STAB2: variants seen among roughly 807,000 people sequenced by gnomAD.
STAB2 encodes stabilin 2.
STAB2 carries 288 observed loss-of-function variants against 338.1 expected under a neutral mutation model. That is an observed-to-expected ratio of 0.85 (90% CI 0.77 to 0.94). The LOEUF (loss-of-function observed/expected upper bound fraction) is 0.94. Among genes scored for constraint, STAB2 ranks in the 40% least tolerant of loss-of-function variants. The pLI, the probability that STAB2 is intolerant of heterozygous loss-of-function variation, is 0.00. For missense variants in STAB2, 3,141 were observed against 3,210.1 expected (o/e 0.98, Z 0.52); for synonymous variants, 1,202 against 1,193.3 (o/e 1.01, Z -0.15).
intron 15 of STAB2, among the ~76,000 whole-genome samples, chr12:103,657,253 G>A (rs1429773265): frequency 7.0e-6 from 1 of 142,844 alleles, no homozygotes; most frequent in African/African-American, 2.6e-5. Context: ...AAAAGGTAAT[G>A]TTGTTCCCCT....
intron 60 of STAB2, among the ~76,000 whole-genome samples, chr12:103,751,060 G>A (rs952421864): frequency 6.6e-6 from 1 of 152,230 alleles, no homozygotes; most frequent in Non-Finnish European, 1.5e-5. Context: ...ACCCAACGGA[G>A]GAAGCCAGAA....
chr12:103,728,808 A>G (rs755209458), intron 47 of STAB2, 41 bp from the exon 48 acceptor site: 47 of 1,609,494 alleles, frequency 2.9e-5, no homozygotes, highest in Non-Finnish European at 4.0e-5. Context: ...GCAGCAAAAG[A>G]CTCCTGCCTC....
intron 66 of STAB2, 135 bp from the exon 67 acceptor site, chr12:103,762,139 A>G: frequency 2.4e-6 from 3 of 1,234,172 alleles, no homozygotes; most frequent in Non-Finnish European, 3.4e-6. Flanking sequence ...CCTGGCAGTA[A>G]TAAGGGCCAG....
chr12:103,708,659 T>C, intron 39 of STAB2, 123 bp downstream of exon 39: 1 of 887,314 alleles, frequency 1.1e-6, no homozygotes, highest in Non-Finnish European at 1.7e-6. Flanking sequence ...ACATGATTCT[T>C]TCTTGCAGCA....
intron 64 of STAB2, 85 bp from the exon 65 acceptor site, chr12:103,759,048 A>G (rs762184326): frequency 2.1e-5 from 34 of 1,608,392 alleles, no homozygotes; most frequent in Non-Finnish European, 2.9e-5. Context: ...CATGAGAAGC[A>G]ATTTTCTTCG....
At position 103,699,214 on chromosome 12, in the gene STAB2, T is replaced by G; in HGVS notation, c.3701T>G (p.Leu1234Arg). 1 of 1,612,536 alleles carries G rather than the reference T, an allele frequency of 6.2e-7. No individual in the cohort carries two copies. The highest frequency in any genetic ancestry group is 8.5e-7 in the Non-Finnish European group (1 of 1,178,832). The change falls in exon 34 of 69, where the codon CTC becomes CGC. Residue 1234 changes from leucine to arginine, a missense_variant. Coordinates refer to ENST00000388887, the MANE Select transcript of STAB2 (RefSeq NM_017564.10). ...TTCTCCTATTTCCTTAGCTTCTTTCTCCATAATGACCAGGTACGATCCTTT... is the reference window on the plus strand; with the variant it reads ...TTCTCCTATTTCCTTAGCTTCTTTCGCCATAATGACCAGGTACGATCCTTT... ...LGFSYFLSFF[L>R]HNDQLYVNEA...
chr12:103,737,174 C>G (rs1882197205), intron 52 of STAB2, among the ~76,000 whole-genome samples: 1 of 152,152 alleles, frequency 6.6e-6, no homozygotes, highest in Admixed American at 6.5e-5. Flanking sequence ...CAAGGTCATC[C>G]TTGCTCCAAC....
intron 30 of STAB2, 38 bp from the exon 31 acceptor site, chr12:103,692,774 A>C: frequency 6.4e-7 from 1 of 1,562,526 alleles, no homozygotes; most frequent in Non-Finnish European, 8.8e-7. Flanking sequence ...GGTGCGCTCT[A>C]TAAAGACTCA....
chr12:103,727,301 C>T lies in STAB2; in HGVS notation c.4886C>T (p.Pro1629Leu). 1 of 1,614,258 alleles carries T rather than the reference C, an allele frequency of 6.2e-7. No individual in the cohort carries two copies. Among genetic ancestry groups the T allele is most frequent in the Non-Finnish European group, 8.5e-7 (1 of 1,180,040 alleles). Residue 1629 changes from proline to leucine, a missense_variant, in exon 47 of 69, where the codon CCC (proline) becomes CTC (leucine). Physicochemically the swap from Pro to Leu is moderately conservative, Grantham distance 98. Transcript: ENST00000388887. ...GTGAAAGATCTGGTCGGCCCAGGCC[C>T]CTTCACTGTTTTTGCACCTTTATCT... ...HFVKDLVGPG[P>L]FTVFAPLSAA... is the part of the protein sequence containing the mutation.
intron 55 of STAB2, among the ~76,000 whole-genome samples, chr12:103,742,154 C>T (rs151054763): frequency 7.2e-5 from 11 of 152,254 alleles, no homozygotes; most frequent in Middle Eastern, 3.4e-3. Flanking sequence ...ACCCAGATAT[C>T]CTCAAATCCA....
At chr12:103,757,431 C>G (rs1884213957) in intron 63 of STAB2, among the ~76,000 whole-genome samples, 2 of 152,198 alleles carry the variant, frequency 1.3e-5, no homozygotes, top group African/African-American at 4.8e-5. Flanking sequence ...TGAGATATAT[C>G]AGTGAACAAG....
intron 66 of STAB2, 58 bp downstream of exon 66, chr12:103,761,468 A>G (rs1884534893): frequency 2.7e-6 from 4 of 1,474,358 alleles, no homozygotes; most frequent in African/African-American, 1.4e-5. Context: ...CCACTCACCA[A>G]CAGGCAAACC....
chr12:103,703,653 C>T (rs940960723), intron 35 of STAB2, among the ~76,000 whole-genome samples: 1 of 152,048 alleles, frequency 6.6e-6, no homozygotes, highest in African/African-American at 2.4e-5. Flanking sequence ...CATGGTGCCC[C>T]TATGGCAGTT....
chr12:103,602,601 A>C (rs1356513949), intron 3 of STAB2, among the ~76,000 whole-genome samples: 2 of 152,240 alleles, frequency 1.3e-5, no homozygotes, highest in Non-Finnish European at 2.9e-5. Flanking sequence ...ATGTATGAGG[A>C]GTCCAGTTGT....
chr12:103,726,069 T>C, intron 45 of STAB2, 47 bp from the exon 46 acceptor site: 1 of 1,607,122 alleles, frequency 6.2e-7, no homozygotes, highest in South Asian at 1.1e-5. Context: ...TGTATTGTTC[T>C]AATATATATT....
At chr12:103,600,716 C>T (rs966481514) in intron 3 of STAB2, among the ~76,000 whole-genome samples, 5 of 152,206 alleles carry the variant, frequency 3.3e-5, no homozygotes, top group African/African-American at 1.2e-4. Flanking sequence ...GAAGCACCTC[C>T]TATAGAGAAA....
At chr12:103,725,206 T>G in intron 45 of STAB2, 112 bp downstream of exon 45, 2 of 1,471,778 alleles carry the variant, frequency 1.4e-6, no homozygotes, top group East Asian at 4.6e-5. Context: ...GCTATAAAAA[T>G]ATGAAAGGCA....
In STAB2 at chr12:103,619,748, C is replaced by T. The variant is rs556788074; in HGVS notation, c.332-720C>T. Among the ~76,000 whole-genome samples, 274 of 147,348 alleles carry T rather than the reference C, an allele frequency of 1.9e-3. 1 individual carries two copies. Among genetic ancestry groups the T allele is most frequent in the Non-Finnish European group, 3.3e-3 (218 of 66,726 alleles). ...CTGTCCCATTTTACCTCATCAGCAACGCCCCCCGCCCCCGCCACCCCACAA... is the reference window on the plus strand; with the variant it reads ...CTGTCCCATTTTACCTCATCAGCAATGCCCCCCGCCCCCGCCACCCCACAA... On this transcript the variant is annotated intron_variant, in intron 3 of 68. Transcript: ENST00000388887.
At chr12:103,764,663 A>G (rs972774111) in intron 68 of STAB2, among the ~76,000 whole-genome samples, 1 of 152,204 alleles carries the variant, frequency 6.6e-6, no homozygotes, top group Non-Finnish European at 1.5e-5. Flanking sequence ...ATTTTTCCAA[A>G]GTAAATCAAG....
Sources: gnomAD v4.1 joint callset for allele counts (sites outside exome capture counted in the v4.1 genomes callset) on GRCh38, gnomAD v4.1.1 for gene constraint, MANE v1.5 for transcripts, NCBI Gene and HGNC (gene_info 2026-07-23, HGNC 2026-07-21) for gene names.